Variants in PCSK5 observed in about 807,000 individuals in gnomAD.
PCSK5 encodes prohormone convertase 5.
A neutral mutation model predicts 233.2 loss-of-function variants in PCSK5; 129 were observed. That is an observed-to-expected ratio of 0.55 (90% CI 0.48 to 0.64). The LOEUF is 0.64. Among genes scored for constraint, PCSK5 ranks in the 30% least tolerant of loss-of-function variants. The probability of loss-of-function intolerance (pLI) is 0.00; values close to 1 mark genes in which losing one functional copy is unlikely to be tolerated. For missense variants in PCSK5, 2,076 were observed against 2,430.1 expected (o/e 0.85, Z 3.06); for synonymous variants, 825 against 879.2 (o/e 0.94, Z 1.09).
intron 20 of PCSK5, among the ~76,000 whole-genome samples, chr9:76,201,236 A>G (rs540191105): frequency 6.6e-6 from 1 of 152,340 alleles, no homozygotes; most frequent in Non-Finnish European, 1.5e-5. Flanking sequence ...TCACCAGAGA[A>G]GAACAAAAGG....
At chr9:76,181,691 G>A in intron 16 of PCSK5, 100 bp downstream of exon 16, 2 of 753,554 alleles carry the variant, frequency 2.7e-6, no homozygotes, top group Admixed American at 2.5e-5. Context: ...CTGGAATTGT[G>A]CTTCATATCA....
chr9:75,994,973 TC>T (rs1163189442), intron 3 of PCSK5, among the ~76,000 whole-genome samples: 6 of 152,236 alleles, frequency 3.9e-5, no homozygotes, highest in Non-Finnish European at 7.3e-5. Flanking sequence ...ACTTTCTACT[TC>T]GCTTTCTGCT....
chr9:76,294,673 A>T (rs1309002918), intron 25 of PCSK5, among the ~76,000 whole-genome samples: 1 of 152,028 alleles, frequency 6.6e-6, no homozygotes, highest in Non-Finnish European at 1.5e-5. Context: ...GGAGATTTAG[A>T]TGAGCTAATA....
chr9:76,128,849 G>A (rs953577540), intron 9 of PCSK5, among the ~76,000 whole-genome samples: 3 of 152,142 alleles, frequency 2.0e-5, no homozygotes, highest in African/African-American at 7.2e-5. Flanking sequence ...ATTATTAACT[G>A]TATTTTCCAA....
At chr9:76,128,735 G>A (rs1023561208) in intron 9 of PCSK5, among the ~76,000 whole-genome samples, 8 of 152,130 alleles carry the variant, frequency 5.3e-5, no homozygotes, top group African/African-American at 1.9e-4. Flanking sequence ...ACTTTGTGTG[G>A]TCCTGCTTTT....
chr9:76,337,841 A>AG (rs1491303479), intron 34 of PCSK5, among the ~76,000 whole-genome samples: 4 of 47,592 alleles, frequency 8.4e-5, no homozygotes, highest in Non-Finnish European at 2.5e-4. Context: ...TCTCTGTTTT[A>AG]AAAAAAAAAA....
At chr9:76,054,669 T>C (rs1453742096) in intron 5 of PCSK5, among the ~76,000 whole-genome samples, 1 of 152,236 alleles carries the variant, frequency 6.6e-6, no homozygotes, top group Non-Finnish European at 1.5e-5. Flanking sequence ...AAATACTGTT[T>C]TTGAGAAAAC....
chr9:76,024,130 C>T (rs539091847), intron 4 of PCSK5, among the ~76,000 whole-genome samples: 7 of 152,302 alleles, frequency 4.6e-5, no homozygotes, highest in Non-Finnish European at 7.3e-5. Context: ...GAAACTCCGC[C>T]ACCACACCAT....
At chr9:75,957,394 A>G (rs1825141417) in intron 2 of PCSK5, among the ~76,000 whole-genome samples, 1 of 152,210 alleles carries the variant, frequency 6.6e-6, no homozygotes, top group African/African-American at 2.4e-5. Context: ...AATGTGCTGT[A>G]TAAACACCAG....
At chr9:76,147,363 T>G (rs889878928) in intron 10 of PCSK5, among the ~76,000 whole-genome samples, 3 of 152,186 alleles carry the variant, frequency 2.0e-5, no homozygotes, top group Non-Finnish European at 4.4e-5. Context: ...TTTCTTTTGC[T>G]CCTGGCATGA....
chr9:76,187,671 T>TA (rs1453030138), intron 17 of PCSK5, among the ~76,000 whole-genome samples: 1 of 152,136 alleles, frequency 6.6e-6, no homozygotes, highest in Non-Finnish European at 1.5e-5. Context: ...CCAAATATAG[T>TA]AAAAATTTTT....
intron 7 of PCSK5, among the ~76,000 whole-genome samples, chr9:76,093,078 C>A (rs1831362385): frequency 1.5e-5 from 2 of 134,856 alleles, no homozygotes; most frequent in South Asian, 2.5e-4. Flanking sequence ...TTTTGTCTTT[C>A]CCTTTTTTTT....
chr9:75,901,169 C>T (rs975154923), intron 1 of PCSK5, among the ~76,000 whole-genome samples: 2 of 152,256 alleles, frequency 1.3e-5, no homozygotes, highest in Admixed American at 6.5e-5. Flanking sequence ...GACACATGAA[C>T]ACGTATGTTT....
Position 76,175,261 on chromosome 9 carries a change from GGAATGGAATGGAATC to G in PCSK5, c.1900+137_1900+151del, listed in dbSNP as rs751135706. ...GAAATGGAATGGAATGGAATGGAAT[GGAATGGAATGGAATC>G]GAATCGAATCGAATCGAATAGAATA... is the stretch of plus-strand genomic sequence containing the variant. On this transcript the variant is annotated intron_variant, in intron 14 of 37. Transcript: ENST00000674117. The G allele has an allele frequency of 8.3e-5, 57 of 686,024 alleles. No individual in the cohort carries two copies. In the African/African-American group the frequency reaches 9.8e-4, roughly 12 times the overall value. The allele number at this position is 686,024 out of a possible 1,614,324, so 42.5% of individuals were successfully genotyped here. A position where few individuals can be genotyped will look rare whatever the true frequency, so the allele number is the denominator to read the frequency against.
chr9:76,181,385 T>C lies in PCSK5; in HGVS notation c.2004-13T>C. 6.2e-7 allele frequency: 1 copy of C among 1,605,306 alleles called. No individual in the cohort carries two copies. Among genetic ancestry groups the C allele is most frequent in the Non-Finnish European group, 8.5e-7 (1 of 1,175,696 alleles). On this transcript the variant is annotated splice_polypyrimidine_tract_variant and intron_variant, in intron 15 of 37. Transcript: ENST00000674117. The stretch of plus-strand genomic sequence containing the variant: ...CATGACGCTGCCTTCTTTCTTATTG[T>C]TTCACAATGCAGGATCTGTGTCTCC...
rs139201537 is a variant in PCSK5, at chr9:76,137,912, G to T, written c.1312+3700G>T. Among the ~76,000 whole-genome samples, 516 of 152,136 alleles carry T rather than the reference G, an allele frequency of 3.4e-3. 2 individuals carry two copies. The highest frequency in any genetic ancestry group is 0.012 in the African/African-American group (486 of 41,514). The stretch of plus-strand genomic sequence containing the variant: ...CCTTGATCCCTTCCCTTTCTGCTTA[G>T]GAAAAGTCTTTTCTGTTTTGTTTTG... On this transcript the variant is annotated intron_variant, in intron 10 of 37. Coordinates refer to ENST00000674117, the MANE Select transcript of PCSK5 (RefSeq NM_001372043.1).
chr9:76,091,540 G>T (rs1163872531), intron 7 of PCSK5, among the ~76,000 whole-genome samples: 1 of 152,136 alleles, frequency 6.6e-6, no homozygotes, highest in African/African-American at 2.4e-5. Context: ...GACTGTTCTG[G>T]TGTCTTCTAG....
At chr9:76,326,103 G>A (rs547784098) in intron 32 of PCSK5, among the ~76,000 whole-genome samples, 7 of 152,076 alleles carry the variant, frequency 4.6e-5, no homozygotes, top group South Asian at 2.1e-4. Flanking sequence ...AGCCGGACAC[G>A]GTGGCTCACA....
intron 1 of PCSK5, among the ~76,000 whole-genome samples, chr9:75,929,926 G>A (rs549462899): frequency 1.3e-5 from 2 of 149,884 alleles, no homozygotes; most frequent in African/African-American, 2.5e-5. Context: ...ACAGTGGCAC[G>A]ATCTTGGCTC....
Sources: gnomAD v4.1 joint callset for allele counts (sites outside exome capture counted in the v4.1 genomes callset) on GRCh38, gnomAD v4.1.1 for gene constraint, MANE v1.5 for transcripts, NCBI Gene and HGNC (gene_info 2026-07-23, HGNC 2026-07-21) for gene names.